The following HDAC8 variants were observed in gnomAD, a reference collection of about 807,000 sequenced individuals.
The protein encoded by HDAC8 is histone deacetylase-like 1.
HDAC8 carries 1 observed loss-of-function variant against 32.2 expected under a neutral mutation model. The observed-to-expected ratio is 0.03, with a 90% CI of 0.01 to 0.15. HDAC8 has a LOEUF of 0.15. Among genes scored for constraint, HDAC8 ranks in the 10% least tolerant of loss-of-function variants. The pLI is 1.00. For synonymous variants in HDAC8, 108 were observed against 113.9 expected, an observed-to-expected ratio of 0.95 and a Z score of 0.33; for missense variants, 117 against 300.0, an observed-to-expected ratio of 0.39 and a Z score of 4.51.
At chrX:72,366,851 C>T (rs1003142389) in intron 9 of HDAC8, among the ~76,000 whole-genome samples, 40 of 111,779 alleles carry the variant, frequency 3.6e-4, no homozygotes, top group African/African-American at 1.3e-3. Context: ...GCTGAGACAA[C>T]GCTTCCACTC....
At chrX:72,346,201 A>G (rs1407395697) in intron 10 of HDAC8, among the ~76,000 whole-genome samples, 1 of 111,472 alleles carries the variant, frequency 9.0e-6, no homozygotes, top group Non-Finnish European at 1.9e-5. Context: ...GGGGACAGGA[A>G]AGAGAGATAA....
intron 9 of HDAC8, among the ~76,000 whole-genome samples, chrX:72,418,261 C>T (rs1602746849): frequency 9.0e-6 from 1 of 111,532 alleles, no homozygotes; most frequent in South Asian, 3.7e-4. Flanking sequence ...AAACTATCAA[C>T]CAAATAAACA....
chrX:72,337,266 A>G, intron 10 of HDAC8, among the ~76,000 whole-genome samples: 1 of 112,315 alleles, frequency 8.9e-6, no homozygotes, highest in Admixed American at 9.4e-5. Flanking sequence ...TATGCTGCTC[A>G]ATATGGTAGC....
At chrX:72,442,593 A>G (rs1319175447) in intron 9 of HDAC8, among the ~76,000 whole-genome samples, 1 of 112,050 alleles carries the variant, frequency 8.9e-6, no homozygotes, top group East Asian at 2.8e-4. Flanking sequence ...GCCAAATTGT[A>G]AAGATCATCA....
At chrX:72,410,906 G>A (rs1555969998) in intron 9 of HDAC8, among the ~76,000 whole-genome samples, 2 of 111,380 alleles carry the variant, frequency 1.8e-5, no homozygotes, top group Non-Finnish European at 1.9e-5. Context: ...CACATGATGA[G>A]GCTCTTGCCT....
chrX:72,417,423 A>G (rs1017811834), intron 9 of HDAC8, among the ~76,000 whole-genome samples: 7 of 111,817 alleles, frequency 6.3e-5, no homozygotes, highest in East Asian at 2.8e-4. Flanking sequence ...CTAGACACCA[A>G]CAGGTCCAAG....
chrX:72,436,491 C>A (rs2046954537), intron 9 of HDAC8, among the ~76,000 whole-genome samples: 1 of 110,791 alleles, frequency 9.0e-6, no homozygotes, highest in Non-Finnish European at 1.9e-5. Flanking sequence ...AAATATCCTT[C>A]AGGAGTGAAA....
intron 7 of HDAC8, among the ~76,000 whole-genome samples, chrX:72,466,232 T>C (rs181781175): frequency 3.8e-4 from 42 of 111,768 alleles, no homozygotes; most frequent in Non-Finnish European, 5.8e-4. Flanking sequence ...TGTTCATTCA[T>C]TCTTTCCCTC....
At chrX:72,390,001 T>C (rs182838791) in intron 9 of HDAC8, among the ~76,000 whole-genome samples, 25 of 111,898 alleles carry the variant, frequency 2.2e-4, no homozygotes, top group African/African-American at 7.8e-4. Context: ...GGGTACAGTG[T>C]GATATTTCTT....
At chrX:72,439,266 G>A (rs1409855182) in intron 9 of HDAC8, among the ~76,000 whole-genome samples, 3 of 111,656 alleles carry the variant, frequency 2.7e-5, no homozygotes, top group African/African-American at 9.8e-5. Context: ...CAAATGCTGA[G>A]AGATTTTGTC....
chrX:72,371,355 AG>A (rs782425735), intron 9 of HDAC8, among the ~76,000 whole-genome samples: 1 of 111,926 alleles, frequency 8.9e-6, no homozygotes, highest in African/African-American at 3.2e-5. Flanking sequence ...TCTGGAAGTG[AG>A]TCATACATTA....
At chrX:72,465,013 A>C (rs1238228528) in intron 7 of HDAC8, among the ~76,000 whole-genome samples, 4 of 111,896 alleles carry the variant, frequency 3.6e-5, no homozygotes, top group Non-Finnish European at 1.9e-5. Context: ...TGAAATATTC[A>C]TATTAATTTA....
rs12689051 is a variant in HDAC8 at position 72,523,578 on chromosome X, C to T, written c.438-28310G>A. 3.7e-4 allele frequency among the ~76,000 whole-genome samples: 41 copies of T among 111,316 alleles called. No homozygotes were observed. The East Asian group carries it at 9.6e-3, about 26-fold the overall frequency. On this transcript the variant is annotated intron_variant, in intron 4 of 10. Transcript: ENST00000373573. ...CTGGTTTCCAATCCTCTGTTTGCCCCCTAAATGTTGATGCTCTCTTCTCTT... is the reference window on the plus strand; with the variant it reads ...CTGGTTTCCAATCCTCTGTTTGCCCTCTAAATGTTGATGCTCTCTTCTCTT...
intron 9 of HDAC8, among the ~76,000 whole-genome samples, chrX:72,400,705 A>C (rs2045878344): frequency 8.9e-6 from 1 of 112,341 alleles, no homozygotes; most frequent in South Asian, 3.7e-4. Flanking sequence ...TCATAGGGTT[A>C]TGCAACTCTC....
intron 4 of HDAC8, among the ~76,000 whole-genome samples, chrX:72,563,725 T>C (rs1317556469): frequency 1.4e-4 from 16 of 111,323 alleles, no homozygotes; most frequent in African/African-American, 4.6e-4. Context: ...AAATAGTTTG[T>C]TTCCCATATT....
At chrX:72,384,447 C>T (rs143411472) in intron 9 of HDAC8, among the ~76,000 whole-genome samples, 1 of 111,596 alleles carries the variant, frequency 9.0e-6, no homozygotes, top group African/African-American at 3.3e-5. Flanking sequence ...GCTGGAATCA[C>T]TTTCCACCCT....
rs892707028 is a variant in HDAC8 at position 72,543,424 on chromosome X, G to A, written c.437+24465C>T. On this transcript the variant is annotated intron_variant, in intron 4 of 10. Coordinates refer to ENST00000373573, the MANE Select transcript of HDAC8 (RefSeq NM_018486.3). The stretch of plus-strand genomic sequence containing the variant: ...GCAGGTGGCCGTGGGACTTGTGAAA[G>A]GGAAGACCTTTTAGATGAACAAGGC... Among the ~76,000 whole-genome samples, 4 of 111,539 alleles carry A rather than the reference G, an allele frequency of 3.6e-5. No individual in the cohort carries two copies. In the East Asian group the frequency reaches 1.1e-3, roughly 32 times the overall value.
intron 9 of HDAC8, among the ~76,000 whole-genome samples, chrX:72,433,220 A>G (rs2046865535): frequency 9.0e-6 from 1 of 111,341 alleles, no homozygotes; most frequent in Non-Finnish European, 1.9e-5. Flanking sequence ...TGGTTGTCAA[A>G]ACTGGAGAGG....
intron 9 of HDAC8, among the ~76,000 whole-genome samples, chrX:72,370,625 C>T (rs1047747509): frequency 8.9e-6 from 1 of 112,197 alleles, no homozygotes; most frequent in Non-Finnish European, 1.9e-5. Flanking sequence ...TCCCAAAGTG[C>T]TGGGATTACA....
Sources: gnomAD v4.1 joint callset for allele counts (sites outside exome capture counted in the v4.1 genomes callset) on GRCh38, gnomAD v4.1.1 for gene constraint, MANE v1.5 for transcripts, NCBI Gene and HGNC (gene_info 2026-07-23, HGNC 2026-07-21) for gene names.